PRKACA: variants seen among roughly 807,000 people sequenced by gnomAD.
The protein encoded by PRKACA is cAMP-dependent protein kinase catalytic subunit alpha.
In PRKACA, 9 loss-of-function variants were observed where a neutral mutation model predicts 45.8. The ratio of observed to expected loss-of-function variants is 0.20; its 90% confidence interval spans 0.12 to 0.34. The LOEUF (loss-of-function observed/expected upper bound fraction) is 0.34, where lower values mean the gene tolerates loss of function less well. PRKACA is among the 10% of genes least tolerant of loss of function. PRKACA has a pLI of 1.00. For synonymous variants in PRKACA, 160 were observed against 178.6 expected (o/e 0.90, Z 0.83); for missense variants, 238 against 458.6 (o/e 0.52, Z 4.39).
intron 1 of PRKACA, among the ~76,000 whole-genome samples, chr19:14,109,154 C>T (rs975010772): frequency 7.9e-5 from 12 of 151,170 alleles, no homozygotes; most frequent in Non-Finnish European, 1.0e-4. Flanking sequence ...CGAGACCAGC[C>T]TGGCCAACAT....
intron 2 of PRKACA, 54 bp downstream of exon 2, chr19:14,107,294 G>A (rs1480140469): frequency 1.3e-6 from 2 of 1,534,116 alleles, no homozygotes; most frequent in Admixed American, 1.7e-5. Context: ...ACACAGCCAG[G>A]GGCTGGGGGT....
intron 8 of PRKACA, among the ~76,000 whole-genome samples, chr19:14,094,713 T>C (rs1322049500): frequency 6.6e-6 from 1 of 152,252 alleles, no homozygotes; most frequent in Non-Finnish European, 1.5e-5. Context: ...CAGCTGCTGC[T>C]GCTGCTGCTT....
chr19:14,114,964 G>T (rs1372430758), intron 1 of PRKACA, among the ~76,000 whole-genome samples: 1 of 152,170 alleles, frequency 6.6e-6, no homozygotes, highest in East Asian at 1.9e-4. Context: ...AAATCCAGGT[G>T]CCCCCTGCAG....
At chr19:14,114,300 C>G in intron 1 of PRKACA, 1 of 1,093,054 alleles carries the variant, frequency 9.1e-7, no homozygotes, top group Non-Finnish European at 1.3e-6. Flanking sequence ...AAGAGAAACC[C>G]AACCCAGAGG....
At chr19:14,114,820 C>T (rs1225477405) in intron 1 of PRKACA, among the ~76,000 whole-genome samples, 1 of 152,198 alleles carries the variant, frequency 6.6e-6, no homozygotes, top group East Asian at 1.9e-4. Context: ...GGATCCCTGG[C>T]CTCTTGGGAG....
intron 8 of PRKACA, among the ~76,000 whole-genome samples, chr19:14,095,854 G>C (rs1266893061): frequency 1.3e-5 from 2 of 151,328 alleles, no homozygotes; most frequent in Admixed American, 1.3e-4. Flanking sequence ...TGTCCAGCTG[G>C]GGCACCCCAC....
At chr19:14,109,992 A>C in intron 1 of PRKACA, among the ~76,000 whole-genome samples, 1 of 106,390 alleles carries the variant, frequency 9.4e-6, no homozygotes, top group Admixed American at 9.7e-5. Flanking sequence ...ATATATATAT[A>C]TATATATACA....
Position 14,097,946 on chromosome 19 carries a change from G to A in PRKACA, c.420-56C>T. 20 of 1,606,474 alleles carry A rather than the reference G, an allele frequency of 1.2e-5. No individual in the cohort carries two copies. Among genetic ancestry groups the A allele is most frequent in the Non-Finnish European group, 1.7e-5 (20 of 1,174,850 alleles). On this transcript the variant is annotated intron_variant, in intron 5 of 9. Transcript: ENST00000308677. The surrounding 1 kb of genome is among the most constrained non-coding windows in gnomAD (Gnocchi z 5.4). ...AGTGGTCATGCCCCAAAATGGTCCAGCAGGTGGCCCTGCAGAGCCTACCCC... is the reference window on the plus strand; with the variant it reads ...AGTGGTCATGCCCCAAAATGGTCCAACAGGTGGCCCTGCAGAGCCTACCCC...
At position 14,117,709 on chromosome 19, in the gene PRKACA, T is replaced by A. The variant is rs578162771; in HGVS notation, c.-162A>T. ...CCGCCCAGCCCCTGCTTCCCGCGTC[T>A]CTCCGCGCCCGCCCGCCCGGGAACC... On this transcript the variant is annotated 5_prime_UTR_variant, in exon 1 of 10. Transcript: ENST00000308677. The A allele has an allele frequency of 1.4e-3, 297 of 219,090 alleles. 1 individual carries two copies. The highest frequency in any genetic ancestry group is 6.7e-3 in the African/African-American group (284 of 42,556). The allele number at this position is 219,090 out of a possible 1,614,324, so 13.6% of individuals were successfully genotyped here.
Position 14,096,212 on chromosome 19 carries a change from T to G in PRKACA, c.765+1149A>C, listed in dbSNP as rs10424694. On this transcript the variant is annotated intron_variant, in intron 8 of 9. Transcript: ENST00000308677. ...CACCACTATACCCAGCTAATTTTTT[T>G]TGTGTGTGTTTTTAGTAGAGACGGA... 3.6e-3 allele frequency among the ~76,000 whole-genome samples: 544 copies of G among 151,158 alleles called. 2 individuals carry two copies. The highest frequency in any genetic ancestry group is 0.012 in the African/African-American group (476 of 41,282).
At chr19:14,095,370 C>T in intron 8 of PRKACA, among the ~76,000 whole-genome samples, 1 of 151,962 alleles carries the variant, frequency 6.6e-6, no homozygotes, top group East Asian at 1.9e-4. Flanking sequence ...GGGGTTTCAC[C>T]ATGTTGGTCA....
chr19:14,098,857 G>C (rs951971886), intron 5 of PRKACA, among the ~76,000 whole-genome samples: 2 of 151,496 alleles, frequency 1.3e-5, no homozygotes, highest in Non-Finnish European at 2.9e-5. Flanking sequence ...AATTTTCTTA[G>C]GTGATAGAAA....
chr19:14,116,111 C>T lies in PRKACA; in HGVS notation c.46+1391G>A, dbSNP rs1196160083. On this transcript the variant is annotated intron_variant, in intron 1 of 9. Transcript: ENST00000308677. ...TCTGGGAGGGGGCATTCAGGAAACT[C>T]AGATGCTGGGGTTTGAGACCAAAAA... 2.6e-5 allele frequency among the ~76,000 whole-genome samples: 4 copies of T among 152,216 alleles called. No homozygotes were observed. The South Asian group carries it at 6.2e-4, about 24-fold the overall frequency.
intron 1 of PRKACA, among the ~76,000 whole-genome samples, chr19:14,113,924 C>T (rs1967042508): frequency 6.6e-6 from 1 of 152,152 alleles, no homozygotes; most frequent in African/African-American, 2.4e-5. Context: ...CCGGGTGGAC[C>T]ATCCTCCCTT....
intron 8 of PRKACA, among the ~76,000 whole-genome samples, chr19:14,094,748 G>C (rs1006823543): frequency 1.3e-5 from 2 of 152,196 alleles, no homozygotes; most frequent in East Asian, 3.8e-4. Context: ...GGGGTCTGGA[G>C]ACTTCTGAAA....
chr19:14,098,070 A>G, intron 5 of PRKACA, 180 bp from the exon 6 acceptor site: 1 of 687,558 alleles, frequency 1.5e-6, no homozygotes, highest in South Asian at 1.9e-5. Context: ...CCACAGGAAA[A>G]TGGAATCACA....
intron 3 of PRKACA, 22 bp downstream of exon 3, chr19:14,106,738 G>T: frequency 6.2e-7 from 1 of 1,613,904 alleles, no homozygotes; most frequent in Non-Finnish European, 8.5e-7. Flanking sequence ...GGCAGGCCCT[G>T]AGCGAGGACA....
rs555098048 is a variant in PRKACA, at chr19:14,116,141, C to A, written c.46+1361G>T. ...GCTGGGGTTTGAGACCAAAAACTGG[C>A]CTTCCTTTTCGACCAATAGTTCCGA... On this transcript the variant is annotated intron_variant, in intron 1 of 9. Coordinates refer to ENST00000308677, the MANE Select transcript of PRKACA (RefSeq NM_002730.4). Among the ~76,000 whole-genome samples the A allele has an allele frequency of 3.3e-4, 50 of 152,280 alleles. 1 individual carries two copies. The South Asian group carries it at 0.01, about 32-fold the overall frequency.
chr19:14,096,351 GT>G (rs757373093), intron 8 of PRKACA: 250 of 108,324 alleles, frequency 2.3e-3, no homozygotes, highest in South Asian at 4.5e-3. Context: ...CGGCCAGTTT[GT>G]TTTTTTTTTT....
Sources: gnomAD v4.1 joint callset for allele counts (sites outside exome capture counted in the v4.1 genomes callset) on GRCh38, gnomAD v4.1.1 for gene constraint, Gnocchi (gnomAD v3.1) non-coding constraint, MANE v1.5 for transcripts, NCBI Gene and HGNC (gene_info 2026-07-23, HGNC 2026-07-21) for gene names.